SAMD12: variants seen among roughly 807,000 people sequenced by gnomAD.
SAMD12 encodes sterile alpha motif domain containing 12.
A neutral mutation model predicts 15.0 loss-of-function variants in SAMD12; 9 were observed. That is an observed-to-expected ratio of 0.60 (90% CI 0.36 to 1.05). SAMD12 has a LOEUF of 1.05. SAMD12 is among the 50% of genes least tolerant of loss of function. The pLI, the probability that SAMD12 is intolerant of heterozygous loss-of-function variation, is 0.01. For missense variants in SAMD12, 230 were observed against 234.2 expected, an observed-to-expected ratio of 0.98 and a Z score of 0.12; for synonymous variants, 86 against 90.1, an observed-to-expected ratio of 0.96 and a Z score of 0.25.
intron 1 of SAMD12, among the ~76,000 whole-genome samples, chr8:118,620,714 C>A (rs1828377168): frequency 6.6e-6 from 1 of 152,162 alleles, no homozygotes; most frequent in Non-Finnish European, 1.5e-5. Context: ...GGAGAGGGAG[C>A]AGCAAGCCAG....
chr8:118,577,661 C>T (rs934520952), intron 2 of SAMD12, among the ~76,000 whole-genome samples: 4 of 152,112 alleles, frequency 2.6e-5, no homozygotes, highest in Non-Finnish European at 5.9e-5. Context: ...AATGTCAAAT[C>T]GAAACATTAG....
intron 2 of SAMD12, among the ~76,000 whole-genome samples, chr8:118,440,233 A>C (rs989233588): frequency 6.6e-6 from 1 of 152,048 alleles, no homozygotes; most frequent in African/African-American, 2.4e-5. Flanking sequence ...TTTAATGAAT[A>C]CTCTAGCAAA....
At chr8:118,569,878 A>C (rs573124637) in intron 2 of SAMD12, among the ~76,000 whole-genome samples, 3 of 152,362 alleles carry the variant, frequency 2.0e-5, no homozygotes, top group African/African-American at 4.8e-5. Flanking sequence ...CATATATCTA[A>C]GGGTATGTGT....
intron 1 of SAMD12, among the ~76,000 whole-genome samples, chr8:118,616,577 G>C (rs950343323): frequency 1.3e-5 from 2 of 152,174 alleles, no homozygotes; most frequent in South Asian, 4.1e-4. Context: ...TCCTCCTCAG[G>C]AGAGGAGAAA....
chr8:118,397,374 G>C (rs2130775767), intron 3 of SAMD12, among the ~76,000 whole-genome samples: 1 of 152,278 alleles, frequency 6.6e-6, no homozygotes, highest in East Asian at 1.9e-4. Context: ...AGATCCCAGA[G>C]AAGTATGGTT....
chr8:118,515,000 T>TTTTGTTTG (rs138066033), intron 2 of SAMD12, among the ~76,000 whole-genome samples: 12 of 149,412 alleles, frequency 8.0e-5, no homozygotes, highest in African/African-American at 2.0e-4. Context: ...TGTTTAAAAG[T>TTTTGTTTG]TTTGTTTGTT....
chr8:118,142,571 T>A, the SAMD12 span, among the ~76,000 whole-genome samples: 1 of 152,212 alleles, frequency 6.6e-6, no homozygotes, highest in African/African-American at 2.4e-5. Context: ...AAACCTCAGA[T>A]CAACGGGCTA....
intron 4 of SAMD12, among the ~76,000 whole-genome samples, chr8:118,273,372 T>C (rs966984502): frequency 3.3e-5 from 5 of 152,162 alleles, no homozygotes; most frequent in Admixed American, 1.3e-4. Flanking sequence ...ATGGAGATTA[T>C]GGGAGCAAAA....
chr8:118,141,391 T>C, the SAMD12 span, among the ~76,000 whole-genome samples: 7 of 152,228 alleles, frequency 4.6e-5, no homozygotes, highest in African/African-American at 1.7e-4. Flanking sequence ...TCAATAAGTT[T>C]GTGAGGATGA....
the SAMD12 span, among the ~76,000 whole-genome samples, chr8:118,141,471 G>A: frequency 6.6e-6 from 1 of 152,166 alleles, no homozygotes; most frequent in Admixed American, 6.5e-5. Flanking sequence ...GATCCACATT[G>A]CTGATAAATA....
At chr8:118,549,528 T>G (rs974926753) in intron 2 of SAMD12, among the ~76,000 whole-genome samples, 7 of 152,240 alleles carry the variant, frequency 4.6e-5, no homozygotes, top group South Asian at 2.1e-4. Context: ...AAAACCCATC[T>G]GTATATCTCC....
At chr8:118,185,705 T>G (rs972087042), downstream of SAMD12, among the ~76,000 whole-genome samples, 7 of 152,150 alleles carry the variant, frequency 4.6e-5, no homozygotes, top group African/African-American at 1.7e-4. Context: ...TATAGAGAGA[T>G]ATGAGCCTTG....
At chr8:118,292,552 T>C (rs910513471) in intron 4 of SAMD12, among the ~76,000 whole-genome samples, 1 of 152,072 alleles carries the variant, frequency 6.6e-6, no homozygotes, top group Non-Finnish European at 1.5e-5. Flanking sequence ...CATTACTGGG[T>C]ATATACCCAA....
intron 1 of SAMD12, among the ~76,000 whole-genome samples, chr8:118,590,493 G>A (rs1443483275): frequency 6.6e-6 from 1 of 152,218 alleles, no homozygotes; most frequent in Non-Finnish European, 1.5e-5. Flanking sequence ...CTGCGATTGT[G>A]TCAGAGGAAG....
chr8:118,159,738 G>A, the SAMD12 span, among the ~76,000 whole-genome samples: 1 of 147,346 alleles, frequency 6.8e-6, no homozygotes, highest in Non-Finnish European at 1.5e-5. Context: ...TTTTTGAGAG[G>A]GCGTCTCACT....
intron 4 of SAMD12, among the ~76,000 whole-genome samples, chr8:118,283,675 A>G (rs1043553851): frequency 1.3e-5 from 2 of 152,224 alleles, no homozygotes; most frequent in African/African-American, 4.8e-5. Context: ...TCTGGTGATG[A>G]GCCTTCTGTA....
intron 1 of SAMD12, among the ~76,000 whole-genome samples, chr8:118,603,092 TA>T: frequency 6.6e-6 from 1 of 151,036 alleles, no homozygotes; most frequent in East Asian, 2.0e-4. Context: ...TATCCACAAA[TA>T]AAAAATAACA....
intron 4 of SAMD12, among the ~76,000 whole-genome samples, chr8:118,243,639 A>G (rs746321242): frequency 1.3e-5 from 2 of 152,124 alleles, no homozygotes; most frequent in South Asian, 2.1e-4. Flanking sequence ...TCTGCATTCC[A>G]TTTATATGAA....
In SAMD12 at chr8:118,210,736, G is replaced by A. The variant is rs1050192601; in HGVS notation, c.434-13004C>T. On this transcript the variant is annotated intron_variant, in intron 4 of 4. Coordinates refer to the SAMD12 transcript ENST00000409003. Reference sequence around the variant, plus strand: ...TACACGGCCCTACCCTTGTTTACATGGTCTCTACTTCTTTCTTCATCCTTC... The same window carrying A: ...TACACGGCCCTACCCTTGTTTACATAGTCTCTACTTCTTTCTTCATCCTTC... 2.6e-5 allele frequency among the ~76,000 whole-genome samples: 4 copies of A among 152,232 alleles called. 1 individual carries two copies. The highest frequency in any genetic ancestry group is 2.6e-4 in the Admixed American group (4 of 15,288).
Sources: allele counts gnomAD v4.1 joint callset (sites outside exome capture counted in the v4.1 genomes callset), GRCh38; gene constraint gnomAD v4.1.1; transcripts MANE v1.5; gene names NCBI Gene and HGNC (gene_info 2026-07-23, HGNC 2026-07-21).